The following USF3 variants were observed in gnomAD, a reference collection of about 807,000 sequenced individuals.
USF3 encodes the protein upstream transcription factor family member 3, also known as basic helix-loop-helix domain-containing protein USF3.
A neutral mutation model predicts 157.5 loss-of-function variants in USF3; 29 were observed. That is an observed-to-expected ratio of 0.18 (90% CI 0.14 to 0.25). The LOEUF is 0.25. USF3 is among the 10% of genes least tolerant of loss of function. The pLI is 1.00. For synonymous variants in USF3, 893 were observed against 941.4 expected (o/e 0.95, Z 0.94); for missense variants, 2,381 against 2,667.6 (o/e 0.89, Z 2.37).
chr3:113,660,842 A>C lies in USF3; in HGVS notation c.840T>G (p.Ser280=), dbSNP rs756438313. The change falls in exon 7 of 7, where the codon TCT becomes TCG. Residue 280 remains serine, a synonymous_variant. Transcript: ENST00000316407. The part of the protein sequence containing the change: ...SLHTCLNDQN[S]SENKNGQENP... ...TCTCTTGTCCATTCTTATTTTCAGA[A>C]GAATTTTGATCATTTAGGCATGTGT... The C allele has an allele frequency of 6.2e-7, 1 of 1,614,034 alleles. No individual in the cohort carries two copies. Among genetic ancestry groups the C allele is most frequent in the African/African-American group, 1.3e-5 (1 of 74,888 alleles).
intron 1 of USF3, among the ~76,000 whole-genome samples, 155 bp downstream of exon 1, chr3:113,696,215 C>T (rs1237940875): frequency 3.9e-5 from 6 of 152,008 alleles, no homozygotes; most frequent in Non-Finnish European, 8.8e-5. Context: ...GCAAGGGTCC[C>T]CAGGAAGGAG....
At chr3:113,669,389 T>C (rs1023269992) in intron 5 of USF3, among the ~76,000 whole-genome samples, 1 of 151,736 alleles carries the variant, frequency 6.6e-6, no homozygotes, top group African/African-American at 2.4e-5. Context: ...AGGAAGCAGG[T>C]AGGAGATTAA....
chr3:113,673,808 T>C (rs1269831463), intron 3 of USF3, among the ~76,000 whole-genome samples: 2 of 152,188 alleles, frequency 1.3e-5, no homozygotes, highest in African/African-American at 2.4e-5. Context: ...CAGAGTAATT[T>C]TGTAATCCCT....
Position 113,653,717 on chromosome 3 carries a change from T to A in USF3, c.*1227A>T, listed in dbSNP as rs867521886. On this transcript the variant is annotated 3_prime_UTR_variant, in exon 7 of 7. Transcript: ENST00000316407. Reference sequence around the variant, plus strand: ...GGCAGGCCTGTTTTTAAAGGACCAATTCATACTTTAAAATATGTGTACACA... The same window carrying A: ...GGCAGGCCTGTTTTTAAAGGACCAAATCATACTTTAAAATATGTGTACACA... 2.6e-5 allele frequency: 4 copies of A among 151,750 alleles called. No individual in the cohort carries two copies. In the East Asian group the frequency reaches 5.8e-4, roughly 22 times the overall value. 9.4% of individuals were successfully genotyped at this position (151,750 alleles called of 1,614,324 possible).
intron 4 of USF3, among the ~76,000 whole-genome samples, chr3:113,672,491 CA>C (rs1437153195): frequency 2.6e-5 from 4 of 151,726 alleles, no homozygotes; most frequent in Admixed American, 6.6e-5. Flanking sequence ...CTCTTATGGT[CA>C]AAAACATTAA....
intron 6 of USF3, among the ~76,000 whole-genome samples, chr3:113,663,596 C>T (rs186311690): frequency 6.6e-6 from 1 of 152,320 alleles, no homozygotes; most frequent in Non-Finnish European, 1.5e-5. Flanking sequence ...GGCAATTCTG[C>T]CCTTTTTTCT....
At chr3:113,668,720 T>C (rs983182935) in intron 5 of USF3, among the ~76,000 whole-genome samples, 9 of 151,498 alleles carry the variant, frequency 5.9e-5, no homozygotes, top group Non-Finnish European at 1.3e-4. Context: ...AGAAAAAAAC[T>C]TCAGGAAAAA....
In USF3 at chr3:113,672,135, C is replaced by CT. The variant is rs1189302527; in HGVS notation, c.76+1212dup. 3.0e-3 allele frequency among the ~76,000 whole-genome samples: 430 copies of CT among 142,390 alleles called. 2 individuals are homozygous for CT. Among genetic ancestry groups the CT allele is most frequent in the African/African-American group, 8.0e-3 (310 of 38,824 alleles). 93.4% of individuals were successfully genotyped at this position (142,390 alleles called of 152,430 possible). A position where few individuals can be genotyped will look rare whatever the true frequency, so the allele number is the denominator to read the frequency against. ...TAAGTTATGGTAAACACATCTCTTT[C>CT]TTTTTTTTTTTCTTTTTTTTTTTTG... On this transcript the variant is annotated intron_variant, in intron 4 of 6. Coordinates refer to ENST00000316407, the MANE Select transcript of USF3 (RefSeq NM_001009899.4).
chr3:113,654,871 CAT>C lies in USF3; in HGVS notation c.*71_*72del, dbSNP rs1947324392. 5 of 1,458,718 alleles carry C rather than the reference CAT, an allele frequency of 3.4e-6. No individual in the cohort carries two copies. Among genetic ancestry groups the C allele is most frequent in the East Asian group, 4.6e-5 (2 of 43,832 alleles). 90.4% of individuals were successfully genotyped at this position (1,458,718 alleles called of 1,614,324 possible). ...CACACACAATCCTTCTCTTCATGTA[CAT>C]GTCTGTGCACATGCACGCACAAATA... On this transcript the variant is annotated 3_prime_UTR_variant, in exon 7 of 7. Transcript: ENST00000316407.
intron 1 of USF3, among the ~76,000 whole-genome samples, chr3:113,681,163 G>A (rs1444017590): frequency 2.0e-5 from 3 of 151,982 alleles, no homozygotes; most frequent in Non-Finnish European, 1.5e-5. Flanking sequence ...GTTTTTAGTA[G>A]AGATGGGGTT....
In USF3 at chr3:113,657,671, T is replaced by C; in HGVS notation, c.4011A>G (p.Leu1337=). 2 of 1,614,172 alleles carry C rather than the reference T, an allele frequency of 1.2e-6. No individual in the cohort carries two copies. Among genetic ancestry groups the C allele is most frequent in the South Asian group, 2.2e-5 (2 of 91,082 alleles). Residue 1337 remains leucine (L), a synonymous_variant, in exon 7 of 7, where the codon TTA becomes TTG. Transcript: ENST00000316407. The part of the protein sequence containing the change: ...SAKRAVQDDL[L]LSSAKRQKHC... Reference sequence around the variant, plus strand: ...GCTTTTGACGTTTAGCTGAAGACAGTAAAAGGTCATCTTGGACAGCACGCT... The same window carrying C: ...GCTTTTGACGTTTAGCTGAAGACAGCAAAAGGTCATCTTGGACAGCACGCT...
chr3:113,683,464 CT>C (rs5851905), intron 1 of USF3, among the ~76,000 whole-genome samples: 211 of 87,096 alleles, frequency 2.4e-3, no homozygotes, highest in Middle Eastern at 0.014. Context: ...TTATCCCCTG[CT>C]TTTTTTTTTT....
Position 113,657,355 on chromosome 3 carries a change from G to C in USF3, c.4327C>G (p.Gln1443Glu), listed in dbSNP as rs182171997. The C allele has an allele frequency of 7.9e-5, 127 of 1,614,172 alleles. No homozygotes were observed. In the Middle Eastern group the frequency reaches 1.8e-3, roughly 23 times the overall value. ...GATACACCTTGAGCTGGAACATGCT[G>C]CTGCAGGGCCTGTAGATGCTGACTT... ...QASQHLQALQQHVPAQGVSHL... is the reference protein window; with the variant it reads ...QASQHLQALQEHVPAQGVSHL... The change falls in exon 7 of 7, where the codon CAG becomes GAG. Residue 1443 changes from glutamine to glutamate, a missense_variant. Coordinates refer to ENST00000316407, the MANE Select transcript of USF3 (RefSeq NM_001009899.4).
rs1009063729 is a variant in USF3 at position 113,659,441 on chromosome 3, T to C, written c.2241A>G (p.Thr747=). The C allele has an allele frequency of 1.2e-6, 2 of 1,614,146 alleles. No individual in the cohort carries two copies. The highest frequency in any genetic ancestry group is 2.7e-5 in the African/African-American group (2 of 74,956). The change falls in exon 7 of 7, where the codon ACA becomes ACG. Residue 747 remains threonine, a synonymous_variant. Transcript: ENST00000316407. ...TTGTTGTTAATGAAACACAGTTAGC[T>C]GTAGTGGTTTGACTATTTGCAGCAG... ...SQTAANSQTT[T]ANCVSLTTTA...
Position 113,659,862 on chromosome 3 carries a change from T to C in USF3, c.1820A>G (p.Asn607Ser), listed in dbSNP as rs367853713. 81 of 1,614,072 alleles carry C rather than the reference T, an allele frequency of 5.0e-5. No individual in the cohort carries two copies. The highest frequency in any genetic ancestry group is 6.6e-5 in the Non-Finnish European group (78 of 1,180,038). ...AGACCCTATTACAGTATTGGCTCCATTGATGGGGAGTCGAACAGAACCAGG... is the reference window on the plus strand; with the variant it reads ...AGACCCTATTACAGTATTGGCTCCACTGATGGGGAGTCGAACAGAACCAGG... ...PPPGSVRLPI[N>S]GANTVIGSNN... is the part of the protein sequence containing the mutation. Residue 607 changes from asparagine to serine, a missense_variant, in exon 7 of 7, where the codon AAT (asparagine) becomes AGT (serine). By Grantham distance (46) the Asn-to-Ser change is conservative (BLOSUM62 1). Around this residue, in one of 6 missense-constraint regions of USF3, gnomAD observed 1,435 missense variants for 1,550.9 expected, o/e 0.93. Transcript: ENST00000316407.
chr3:113,652,995 G>T lies in USF3; in HGVS notation c.*1949C>A. The stretch of plus-strand genomic sequence containing the variant: ...AGGAACTTGAAAAAGGAATATTCAA[G>T]GTGCTGTTCCTGGTGTTAGTTGCAC... On this transcript the variant is annotated 3_prime_UTR_variant, in exon 7 of 7. Coordinates refer to ENST00000316407, the MANE Select transcript of USF3 (RefSeq NM_001009899.4). 9.4e-7 allele frequency: 1 copy of T among 1,060,106 alleles called. No homozygotes were observed. The highest frequency in any genetic ancestry group is 1.7e-5 in the South Asian group (1 of 60,552). The allele number at this position is 1,060,106 out of a possible 1,614,324, so 65.7% of individuals were successfully genotyped here. A position where few individuals can be genotyped will look rare whatever the true frequency, so the allele number is the denominator to read the frequency against.
chr3:113,671,710 CTAGCAGTAAGAGCAT>C (rs1707155775), intron 4 of USF3, among the ~76,000 whole-genome samples: 1 of 150,494 alleles, frequency 6.6e-6, no homozygotes, highest in Non-Finnish European at 1.5e-5. Context: ...GCTTTATGAT[CTAGCAGTAAGAGCAT>C]CCTTTTTTCT....
At chr3:113,674,940 A>G in intron 2 of USF3, 44 bp from the exon 3 acceptor site, 5 of 1,291,944 alleles carry the variant, frequency 3.9e-6, no homozygotes, top group Non-Finnish European at 5.6e-6. Context: ...TAGTCATTCT[A>G]GAATCTTACA....
In USF3 at chr3:113,655,920, T is replaced by C. The variant is rs771489545; in HGVS notation, c.5762A>G (p.Asn1921Ser). 3 of 1,614,180 alleles carry C rather than the reference T, an allele frequency of 1.9e-6. No individual in the cohort carries two copies. The highest frequency in any genetic ancestry group is 1.1e-5 in the South Asian group (1 of 91,084). Residue 1921 changes from asparagine (N) to serine (S), a missense_variant, in exon 7 of 7, where the codon AAT becomes AGT. Around this residue, in one of 6 missense-constraint regions of USF3, gnomAD observed 770 missense variants for 824.2 expected, o/e 0.93. Transcript: ENST00000316407. The stretch of plus-strand genomic sequence containing the variant: ...ATGACTCTCAGTAATCCTCATGGGA[T>C]TGGATTTCTGTACAGAAACATTGGG... ...TSPNVSVQKSNPMRITESHAT... is the reference protein window; with the variant it reads ...TSPNVSVQKSSPMRITESHAT...
Sources: allele counts gnomAD v4.1 joint callset (sites outside exome capture counted in the v4.1 genomes callset), GRCh38; gene constraint gnomAD v4.1.1; regional missense constraint gnomAD v4.1.1; transcripts MANE v1.5; gene names NCBI Gene and HGNC (gene_info 2026-07-23, HGNC 2026-07-21).